TRIM2: variants seen among roughly 807,000 people sequenced by gnomAD.
TRIM2 encodes tripartite motif-containing protein 2.
TRIM2 carries 20 observed loss-of-function variants against 75.2 expected under a neutral mutation model. The ratio of observed to expected loss-of-function variants is 0.27; its 90% CI spans 0.19 to 0.39. The LOEUF (loss-of-function observed/expected upper bound fraction) is 0.39. TRIM2 is among the 10% of genes least tolerant of loss of function. TRIM2 has a pLI of 1.00. For synonymous variants in TRIM2, 373 were observed against 388.3 expected (o/e 0.96, Z 0.46); for missense variants, 660 against 990.8 (o/e 0.67, Z 4.48).
chr4:153,284,784 G>A (rs1317649671), intron 3 of TRIM2, among the ~76,000 whole-genome samples: 1 of 152,008 alleles, frequency 6.6e-6, no homozygotes, highest in Non-Finnish European at 1.5e-5. Context: ...TTTTTGAATT[G>A]CGTTGTTTAT....
chr4:153,338,310 A>T lies in TRIM2; in HGVS notation c.*3344A>T. 1 of 985,808 alleles carries T rather than the reference A, an allele frequency of 1.0e-6. No homozygotes were observed. The highest frequency in any genetic ancestry group is 1.2e-6 in the Non-Finnish European group (1 of 829,906). 61.1% of individuals were successfully genotyped at this position (985,808 alleles called of 1,614,324 possible). A position where few individuals can be genotyped will look rare whatever the true frequency, so the allele number is the denominator to read the frequency against. On this transcript the variant is annotated 3_prime_UTR_variant, in exon 12 of 12. Transcript: ENST00000338700. ...ATTAGGTAATCTGCAGATTACTTCA[A>T]ATGGGAAAAATCTTTTTGTAGACTC...
At chr4:153,283,934 A>G (rs12641083) in intron 3 of TRIM2, among the ~76,000 whole-genome samples, 90,153 of 141,530 alleles carry the variant, frequency 0.64, 29,646 homozygotes, top group African/African-American at 0.84. Context: ...GCAGTGGTGC[A>G]ATCTCAGCTC....
chr4:153,164,867 A>C (rs149742646), intron 1 of TRIM2, among the ~76,000 whole-genome samples: 101 of 152,222 alleles, frequency 6.6e-4, no homozygotes, highest in African/African-American at 2.0e-3. Context: ...GTCACTGCTG[A>C]GTCAAGTAGT....
rs559809905 is a variant in TRIM2, at chr4:153,187,695, A to G, written c.-49+34425A>G. Among the ~76,000 whole-genome samples, 8 of 152,244 alleles carry G rather than the reference A, an allele frequency of 5.3e-5. No individual in the cohort carries two copies. The South Asian group carries it at 1.7e-3, about 32-fold the overall frequency. On this transcript the variant is annotated intron_variant, in intron 1 of 11. Coordinates refer to the TRIM2 transcript ENST00000437508. ...CTCGCCCAGGTGGGCTGCATGGAGGAGTGACTGGGCCCTGACAAAGGGGAA... is the reference window on the plus strand; with the variant it reads ...CTCGCCCAGGTGGGCTGCATGGAGGGGTGACTGGGCCCTGACAAAGGGGAA...
At chr4:153,244,355 C>CTCTTCTTCTTCTTCTTCTTCT (rs1209366783) in intron 1 of TRIM2, among the ~76,000 whole-genome samples, 16 of 12,698 alleles carry the variant, frequency 1.3e-3, no homozygotes, top group Admixed American at 1.6e-3. Context: ...CTTCTTCTTC[C>CTCTTCTTCTTCTTCTTCTTCT]TCTTCTTCTT....
chr4:153,196,797 C>T (rs913658889), intron 1 of TRIM2, among the ~76,000 whole-genome samples: 10 of 152,142 alleles, frequency 6.6e-5, no homozygotes, highest in African/African-American at 1.9e-4. Flanking sequence ...CAGCAAATCC[C>T]CTTATGATCT....
At chr4:153,239,832 CTCTTTTT>C (rs1296046024) in intron 1 of TRIM2, among the ~76,000 whole-genome samples, 32 of 139,440 alleles carry the variant, frequency 2.3e-4, no homozygotes, top group African/African-American at 8.6e-4. Context: ...AACTTTCTTT[CTCTTTTT>C]TTTTTTTTTT....
At chr4:153,315,725 A>T in intron 7 of TRIM2, 107 bp from the exon 8 acceptor site, 1 of 1,479,082 alleles carries the variant, frequency 6.8e-7, no homozygotes, top group Non-Finnish European at 9.3e-7. Flanking sequence ...CTTCAAATAG[A>T]GTTTGCGTGT....
Position 153,188,322 on chromosome 4 carries a change from T to C in TRIM2, c.-49+35052T>C, listed in dbSNP as rs139888647. Reference sequence around the variant, plus strand: ...AAAAAATACAGAAGTTAGTGGGGCATGGTGGCGCACACCTGTAGTCCCAGC... The same window carrying C: ...AAAAAATACAGAAGTTAGTGGGGCACGGTGGCGCACACCTGTAGTCCCAGC... On this transcript the variant is annotated intron_variant, in intron 1 of 11. Transcript: ENST00000437508. Among the ~76,000 whole-genome samples the C allele has an allele frequency of 2.2e-3, 340 of 152,182 alleles. 3 individuals carry two copies. Among genetic ancestry groups the C allele is most frequent in the African/African-American group, 7.6e-3 (317 of 41,502 alleles).
Position 153,273,575 on chromosome 4 carries a change from G to A in TRIM2, c.216-2318G>A, listed in dbSNP as rs188029099. Among the ~76,000 whole-genome samples the A allele has an allele frequency of 2.7e-3, 403 of 150,338 alleles. 2 individuals are homozygous for A. Among genetic ancestry groups the A allele is most frequent in the African/African-American group, 9.4e-3 (385 of 40,800 alleles). ...CCCAGAGTGCTGGCATTACAGGCGT[G>A]AGCCACCACGCCCAGCCCTTACAGT... On this transcript the variant is annotated intron_variant, in intron 2 of 11. Coordinates refer to ENST00000338700, the MANE Select transcript of TRIM2 (RefSeq NM_015271.5).
At position 153,274,029 on chromosome 4, in the gene TRIM2, G is replaced by A. The variant is rs144436343; in HGVS notation, c.216-1864G>A. 2.2e-3 allele frequency among the ~76,000 whole-genome samples: 338 copies of A among 152,320 alleles called. 1 individual carries two copies. The highest frequency in any genetic ancestry group is 7.1e-3 in the African/African-American group (297 of 41,578). On this transcript the variant is annotated intron_variant, in intron 2 of 11. Transcript: ENST00000338700. The stretch of plus-strand genomic sequence containing the variant: ...CTGTGGCTGGTATGCAGCAAATGAG[G>A]GGAAGAGACAGAAAGTATGTAGGTG...
At chr4:153,177,085 A>C (rs548100018) in intron 1 of TRIM2, among the ~76,000 whole-genome samples, 65 of 152,316 alleles carry the variant, frequency 4.3e-4, no homozygotes, top group Middle Eastern at 3.4e-3. Flanking sequence ...TTGTTGGAGA[A>C]TCCCCAGCAA....
chr4:153,237,687 A>C (rs1745402634), intron 1 of TRIM2, among the ~76,000 whole-genome samples: 1 of 152,152 alleles, frequency 6.6e-6, no homozygotes, highest in South Asian at 2.1e-4. Flanking sequence ...CTCAAAAAAA[A>C]AAGAGTCAAA....
intron 1 of TRIM2, among the ~76,000 whole-genome samples, chr4:153,199,330 T>C (rs905983299): frequency 6.6e-6 from 1 of 152,210 alleles, no homozygotes; most frequent in African/African-American, 2.4e-5. Context: ...AGATAAAAAC[T>C]TGTGACTTTC....
chr4:153,320,694 G>A (rs1433489672), intron 8 of TRIM2, among the ~76,000 whole-genome samples: 4 of 152,056 alleles, frequency 2.6e-5, no homozygotes, highest in African/African-American at 4.8e-5. Flanking sequence ...GTGAGGTGGC[G>A]CGACCTTGGC....
chr4:153,250,022 C>T (rs577650069), intron 1 of TRIM2, among the ~76,000 whole-genome samples: 15 of 152,150 alleles, frequency 9.9e-5, no homozygotes, highest in African/African-American at 3.6e-4. Flanking sequence ...ACAGTCAGAG[C>T]AGGACAAAGA....
intron 1 of TRIM2, among the ~76,000 whole-genome samples, chr4:153,226,036 A>C (rs1282502746): frequency 6.6e-6 from 1 of 152,108 alleles, no homozygotes; most frequent in East Asian, 1.9e-4. Flanking sequence ...ACACCCGACT[A>C]ATTTTTAAAT....
At chr4:153,319,127 G>A (rs995356938) in intron 8 of TRIM2, among the ~76,000 whole-genome samples, 8 of 152,188 alleles carry the variant, frequency 5.3e-5, no homozygotes, top group African/African-American at 1.9e-4. Flanking sequence ...AAAGACACAC[G>A]TTTAACACCA....
intron 6 of TRIM2, among the ~76,000 whole-genome samples, chr4:153,307,032 A>C (rs1201292966): frequency 6.6e-6 from 1 of 152,170 alleles, no homozygotes; most frequent in East Asian, 1.9e-4. Context: ...CTAATACTTG[A>C]AAACTTAAGT....
Sources: gnomAD v4.1 joint callset for allele counts (sites outside exome capture counted in the v4.1 genomes callset) on GRCh38, gnomAD v4.1.1 for gene constraint, MANE v1.5 for transcripts, NCBI Gene and HGNC (gene_info 2026-07-23, HGNC 2026-07-21) for gene names.